Variants in DRC10 observed in about 807,000 individuals in gnomAD.
The protein encoded by DRC10 is dynein regulatory complex subunit 10.
At chr12:113,200,822 G>T in the DRC10 span, 1 of 1,517,902 alleles carries the variant, frequency 6.6e-7, no homozygotes, top group Non-Finnish European at 8.8e-7. Flanking sequence ...ACCTAAGCCA[G>T]GAAGAGAAAG....
the DRC10 span, among the ~76,000 whole-genome samples, chr12:113,213,010 A>T: frequency 6.6e-6 from 1 of 152,100 alleles, no homozygotes; most frequent in Non-Finnish European, 1.5e-5. Context: ...TCTTCATTCA[A>T]ACAGGCTTGT....
the DRC10 span, chr12:113,207,748 C>G: frequency 3.1e-6 from 5 of 1,614,170 alleles, 1 homozygote; most frequent in South Asian, 2.2e-5. Flanking sequence ...TGGTGAGAGG[C>G]TGGATTTCTG....
chr12:113,196,367 A>G, the DRC10 span, among the ~76,000 whole-genome samples: 1 of 152,204 alleles, frequency 6.6e-6, no homozygotes, highest in African/African-American at 2.4e-5. Flanking sequence ...CCAGAGGAGA[A>G]GGAACTTTCT....
chr12:113,215,505 C>T, the DRC10 span, among the ~76,000 whole-genome samples: 1 of 152,118 alleles, frequency 6.6e-6, no homozygotes, highest in East Asian at 1.9e-4. Flanking sequence ...AAAACAGAAG[C>T]AGTTTTTACT....
the DRC10 span, chr12:113,200,297 C>T: frequency 1.7e-6 from 1 of 588,438 alleles, no homozygotes; most frequent in Non-Finnish European, 3.2e-6. Flanking sequence ...GAGGAACTTG[C>T]CCAAGGTCAC....
chr12:113,219,452 ATGATACT>A, the DRC10 span, among the ~76,000 whole-genome samples: 3 of 152,222 alleles, frequency 2.0e-5, no homozygotes, highest in Admixed American at 2.0e-4. Context: ...TATCTACATG[ATGATACT>A]TGGTATTGTC....
the DRC10 span, among the ~76,000 whole-genome samples, chr12:113,196,053 G>C: frequency 6.6e-6 from 1 of 152,154 alleles, no homozygotes; most frequent in Admixed American, 6.5e-5. Context: ...GGGGAGAGGG[G>C]ATGGGCTCCA....
At chr12:113,204,955 A>C in the DRC10 span, among the ~76,000 whole-genome samples, 2 of 151,650 alleles carry the variant, frequency 1.3e-5, no homozygotes, top group Admixed American at 6.6e-5. Flanking sequence ...GCTGATCCCT[A>C]GCTTGGAAGG....
chr12:113,209,723 G>A, the DRC10 span, among the ~76,000 whole-genome samples: 1 of 152,224 alleles, frequency 6.6e-6, no homozygotes, highest in Non-Finnish European at 1.5e-5. Flanking sequence ...GGTTATCTAA[G>A]ATGTTAACAT....
chr12:113,220,586 C>T, the DRC10 span, among the ~76,000 whole-genome samples: 2 of 152,184 alleles, frequency 1.3e-5, no homozygotes, highest in Non-Finnish European at 2.9e-5. Context: ...AACAAACAAA[C>T]AAAACTACCT....
At chr12:113,210,627 AAG>A in the DRC10 span, among the ~76,000 whole-genome samples, 5 of 151,402 alleles carry the variant, frequency 3.3e-5, no homozygotes, top group Non-Finnish European at 7.4e-5. Context: ...AAAAAAAAAA[AAG>A]AACACCTACT....
At chr12:113,219,509 TA>T in the DRC10 span, among the ~76,000 whole-genome samples, 3 of 152,206 alleles carry the variant, frequency 2.0e-5, no homozygotes, top group African/African-American at 4.8e-5. Context: ...TTTTGCCCAT[TA>T]AAAAAATTGA....
chr12:113,211,144 C>T, the DRC10 span, among the ~76,000 whole-genome samples: 3 of 152,150 alleles, frequency 2.0e-5, no homozygotes, highest in Non-Finnish European at 4.4e-5. Context: ...TGCAGTGGCA[C>T]GATCATGGCT....
the DRC10 span, chr12:113,196,014 C>A: frequency 7.3e-7 from 1 of 1,378,270 alleles, no homozygotes. Flanking sequence ...CTAAGCTGTT[C>A]AGCATCTCTC....
the DRC10 span, among the ~76,000 whole-genome samples, chr12:113,217,834 C>T: frequency 6.6e-6 from 1 of 152,174 alleles, no homozygotes; most frequent in Non-Finnish European, 1.5e-5. Flanking sequence ...CCCTGGCCTC[C>T]ACTCATATGT....
the DRC10 span, among the ~76,000 whole-genome samples, chr12:113,214,507 CAAAAAAAAA>C: frequency 2.2e-4 from 11 of 50,304 alleles, no homozygotes; most frequent in Middle Eastern, 8.5e-3. Flanking sequence ...GACTCCGTCT[CAAAAAAAAA>C]AAAAAAAAAA....
At chr12:113,201,418 C>T in the DRC10 span, among the ~76,000 whole-genome samples, 12 of 152,284 alleles carry the variant, frequency 7.9e-5, no homozygotes, top group African/African-American at 2.2e-4. Context: ...TTTCCTTGCA[C>T]GAGTGAAGGG....
chr12:113,195,641 C>T, the DRC10 span: 1 of 1,613,328 alleles, frequency 6.2e-7, no homozygotes, highest in Admixed American at 1.7e-5. Flanking sequence ...TTGCTTTGCC[C>T]TTGCCCCGCT....
At chr12:113,218,722 ACAGGCGTGAG>A in the DRC10 span, among the ~76,000 whole-genome samples, 1 of 152,234 alleles carries the variant, frequency 6.6e-6, no homozygotes, top group African/African-American at 2.4e-5. Flanking sequence ...TGCTGGGATT[ACAGGCGTGAG>A]CCACTGGGCC....
Sources: allele counts gnomAD v4.1 joint callset (sites outside exome capture counted in the v4.1 genomes callset), GRCh38; gene constraint gnomAD v4.1.1; transcripts MANE v1.5; gene names NCBI Gene and HGNC (gene_info 2026-07-23, HGNC 2026-07-21).